RTTN: variants seen among roughly 807,000 people sequenced by gnomAD.
RTTN encodes rotatin.
In RTTN, 182 loss-of-function variants were observed where a neutral mutation model predicts 269.2. The observed-to-expected ratio is 0.68, with a 90% CI of 0.60 to 0.76. The LOEUF (loss-of-function observed/expected upper bound fraction) is 0.76, where lower values mean the gene tolerates loss of function less well. Ranked by LOEUF, RTTN falls within the 30% of genes least tolerant of loss-of-function variation. The probability of loss-of-function intolerance (pLI) is 0.00; values close to 1 mark genes in which losing one functional copy is unlikely to be tolerated. For missense variants in RTTN, 2,545 were observed against 2,608.6 expected, an observed-to-expected ratio of 0.98 and a Z score of 0.53; for synonymous variants, 1,006 against 963.5, an observed-to-expected ratio of 1.04 and a Z score of -0.82.
chr18:70,201,854 T>C, intron 4 of RTTN, 40 bp downstream of exon 4: 1 of 1,267,752 alleles, frequency 7.9e-7, no homozygotes. Flanking sequence ...AATTTTCAAC[T>C]TCCCAAGTCA....
intron 40 of RTTN, 29 bp from the exon 41 acceptor site, chr18:70,031,010 G>A (rs1458418520): frequency 6.7e-7 from 1 of 1,498,590 alleles, no homozygotes; most frequent in Non-Finnish European, 9.2e-7. Flanking sequence ...AAACTGCCTT[G>A]AAGAAATATT....
chr18:70,087,796 G>A (rs533044806), intron 31 of RTTN, among the ~76,000 whole-genome samples, 193 bp downstream of exon 31: 3 of 152,036 alleles, frequency 2.0e-5, no homozygotes, highest in South Asian at 4.1e-4. Flanking sequence ...TTATCTTATC[G>A]GAAGGAAGGA....
intron 28 of RTTN, among the ~76,000 whole-genome samples, chr18:70,098,090 A>G (rs1332650567): frequency 2.0e-5 from 3 of 152,116 alleles, no homozygotes; most frequent in African/African-American, 4.8e-5. Context: ...GTTCAATTAT[A>G]TATTTTTTTT....
chr18:70,023,597 C>G (rs927726134), intron 44 of RTTN, among the ~76,000 whole-genome samples: 1 of 152,040 alleles, frequency 6.6e-6, no homozygotes, highest in African/African-American at 2.4e-5. Context: ...ACCTTTTTTT[C>G]CTTCCTACCT....
At chr18:70,182,814 C>G (rs977518389) in intron 10 of RTTN, among the ~76,000 whole-genome samples, 1 of 152,134 alleles carries the variant, frequency 6.6e-6, no homozygotes, top group South Asian at 2.1e-4. Flanking sequence ...CAAAACACTT[C>G]TTACAAAAAA....
chr18:70,075,934 A>G (rs2058418671), intron 32 of RTTN, among the ~76,000 whole-genome samples: 1 of 152,110 alleles, frequency 6.6e-6, no homozygotes, highest in South Asian at 2.1e-4. Flanking sequence ...TGGTCCATAT[A>G]TTATGTTCAG....
intron 24 of RTTN, chr18:70,127,948 C>A: frequency 1.8e-6 from 1 of 547,422 alleles, no homozygotes; most frequent in South Asian, 2.4e-5. Context: ...ATTGACTTTT[C>A]CTCCTTATAA....
intron 11 of RTTN, among the ~76,000 whole-genome samples, chr18:70,176,204 T>TAG (rs2061292269): frequency 1.9e-4 from 3 of 15,624 alleles, no homozygotes; most frequent in African/African-American, 4.6e-4. Flanking sequence ...GATGTAGATG[T>TAG]ATATGTATAT....
chr18:70,136,013 G>A (rs1181401677), intron 21 of RTTN, among the ~76,000 whole-genome samples: 1 of 152,114 alleles, frequency 6.6e-6, no homozygotes. Context: ...TACACAGTTA[G>A]CAAATTCAGG....
At chr18:70,167,105 G>A (rs1811678219) in intron 12 of RTTN, 74 bp from the exon 13 acceptor site, 4 of 944,766 alleles carry the variant, frequency 4.2e-6, no homozygotes, top group Non-Finnish European at 6.7e-6. Context: ...TAACTAAGCA[G>A]CTTCAAGAAA....
At chr18:70,150,923 T>A (rs902502205) in intron 14 of RTTN, among the ~76,000 whole-genome samples, 190 bp from the exon 15 acceptor site, 1 of 151,902 alleles carries the variant, frequency 6.6e-6, no homozygotes, top group Non-Finnish European at 1.5e-5. Flanking sequence ...CATATTATAT[T>A]ACTTTCTGCC....
chr18:70,166,450 T>C (rs1568495486), intron 13 of RTTN: 1 of 271,532 alleles, frequency 3.7e-6, no homozygotes, highest in Non-Finnish European at 6.8e-6. Context: ...TCACAGAATT[T>C]ATTCTTTCCA....
At chr18:70,032,986 C>T (rs1368436185) in intron 40 of RTTN, among the ~76,000 whole-genome samples, 11 of 152,222 alleles carry the variant, frequency 7.2e-5, no homozygotes, top group Non-Finnish European at 1.6e-4. Flanking sequence ...TGGTTTGGAT[C>T]TGTGTCCCCA....
intron 12 of RTTN, 27 bp downstream of exon 12, chr18:70,168,828 A>G: frequency 6.6e-7 from 1 of 1,507,406 alleles, no homozygotes; most frequent in Non-Finnish European, 9.1e-7. Flanking sequence ...AAAGGGATTT[A>G]AAAGAGATAT....
chr18:70,071,136 T>C (rs1474784458), intron 34 of RTTN, among the ~76,000 whole-genome samples: 1 of 152,158 alleles, frequency 6.6e-6, no homozygotes, highest in Non-Finnish European at 1.5e-5. Flanking sequence ...TGCTAGGAAC[T>C]TGAACAAGCA....
At chr18:70,080,950 AC>A (rs2058550801) in intron 32 of RTTN, among the ~76,000 whole-genome samples, 1 of 151,732 alleles carries the variant, frequency 6.6e-6, no homozygotes, top group South Asian at 2.1e-4. Flanking sequence ...ACACACACAC[AC>A]ACACACACAC....
intron 32 of RTTN, among the ~76,000 whole-genome samples, chr18:70,083,373 T>A (rs2058621733): frequency 6.6e-6 from 1 of 152,160 alleles, no homozygotes; most frequent in African/African-American, 2.4e-5. Context: ...TTTTAATGAA[T>A]CAGTCAAGAC....
At chr18:70,036,229 A>G (rs1202061861) in intron 40 of RTTN, among the ~76,000 whole-genome samples, 1 of 152,240 alleles carries the variant, frequency 6.6e-6, no homozygotes, top group African/African-American at 2.4e-5. Context: ...ATTCTATCAT[A>G]AAGACACATG....
intron 21 of RTTN, among the ~76,000 whole-genome samples, chr18:70,137,445 C>T (rs2060151252): frequency 6.6e-6 from 1 of 152,228 alleles, no homozygotes; most frequent in South Asian, 2.1e-4. Flanking sequence ...GATCCACTAT[C>T]CATGCTACAG....
Sources: allele counts gnomAD v4.1 joint callset (sites outside exome capture counted in the v4.1 genomes callset), GRCh38; gene constraint gnomAD v4.1.1; transcripts MANE v1.5; gene names NCBI Gene and HGNC (gene_info 2026-07-23, HGNC 2026-07-21).